OXCT1: variants seen among roughly 807,000 people sequenced by gnomAD.
OXCT1 encodes the protein succinyl-CoA:3-ketoacid coenzyme A transferase 1, mitochondrial.
In OXCT1, 27 loss-of-function variants were observed where a neutral mutation model predicts 69.6. The observed-to-expected ratio is 0.39, with a 90% confidence interval of 0.29 to 0.54. The LOEUF (loss-of-function observed/expected upper bound fraction) is 0.54. Ranked by LOEUF, OXCT1 falls within the 20% of genes least tolerant of loss-of-function variation. OXCT1 has a pLI of 0.72. For missense variants in OXCT1, 437 were observed against 650.2 expected (o/e 0.67, Z 3.57); for synonymous variants, 202 against 217.8 (o/e 0.93, Z 0.64).
intron 7 of OXCT1, among the ~76,000 whole-genome samples, chr5:41,812,347 T>G (rs1747025076): frequency 6.6e-6 from 1 of 151,974 alleles, no homozygotes; most frequent in African/African-American, 2.4e-5. Context: ...AATGGGCTTA[T>G]GAAAGATGAG....
intron 7 of OXCT1, among the ~76,000 whole-genome samples, chr5:41,829,507 C>A (rs1325028209): frequency 2.0e-5 from 3 of 152,066 alleles, no homozygotes; most frequent in African/African-American, 7.2e-5. Flanking sequence ...CCTCACAATG[C>A]AATGAAGTCC....
chr5:41,764,765 G>A (rs1022462896), intron 13 of OXCT1, among the ~76,000 whole-genome samples: 11 of 152,152 alleles, frequency 7.2e-5, no homozygotes, highest in African/African-American at 2.7e-4. Context: ...TAACACTGAG[G>A]ATGCAACTGC....
At chr5:41,805,466 T>C in intron 9 of OXCT1, 101 bp downstream of exon 9, 1 of 788,262 alleles carries the variant, frequency 1.3e-6, no homozygotes, top group Non-Finnish European at 2.2e-6. Context: ...AAAGTTACCA[T>C]AGACTAGAGA....
At chr5:41,777,142 G>C (rs954508884) in intron 13 of OXCT1, among the ~76,000 whole-genome samples, 1 of 152,196 alleles carries the variant, frequency 6.6e-6, no homozygotes, top group African/African-American at 2.4e-5. Flanking sequence ...AAGGGGCCGG[G>C]TGCGGTGGCT....
chr5:41,751,757 T>C (rs1041570867), intron 14 of OXCT1, among the ~76,000 whole-genome samples: 5 of 152,090 alleles, frequency 3.3e-5, no homozygotes, highest in Non-Finnish European at 7.4e-5. Context: ...ATACAATTCC[T>C]GAGACACATA....
intron 13 of OXCT1, among the ~76,000 whole-genome samples, chr5:41,792,977 C>A (rs990326985): frequency 1.3e-5 from 2 of 152,098 alleles, no homozygotes; most frequent in Non-Finnish European, 2.9e-5. Context: ...TAATACACCA[C>A]CAAGTTTGAA....
chr5:41,857,754 C>T (rs1409574176), intron 3 of OXCT1, among the ~76,000 whole-genome samples: 1 of 152,188 alleles, frequency 6.6e-6, no homozygotes, highest in Non-Finnish European at 1.5e-5. Flanking sequence ...TTTCCCTCAT[C>T]CCTGACCATT....
intron 13 of OXCT1, among the ~76,000 whole-genome samples, chr5:41,780,281 TAAA>T (rs1229087503): frequency 5.9e-5 from 9 of 152,166 alleles, no homozygotes; most frequent in African/African-American, 2.2e-4. Context: ...CTATTTGTAT[TAAA>T]AAACTGATTC....
intron 7 of OXCT1, among the ~76,000 whole-genome samples, chr5:41,830,234 AAGTT>A (rs778944942): frequency 3.9e-5 from 6 of 152,212 alleles, no homozygotes; most frequent in Non-Finnish European, 5.9e-5. Context: ...TCCATCCCAA[AAGTT>A]AGCACTTAGG....
chr5:41,731,275 C>T lies in OXCT1; in HGVS notation c.*454G>A. ...AAGATGTAATCATAAAATCTGAAGC[C>T]CCAAAAGAAAAGTCAGAGGAGGCTG... On this transcript the variant is annotated 3_prime_UTR_variant, in exon 17 of 17. Transcript: ENST00000196371. 1.8e-6 allele frequency: 1 copy of T among 570,466 alleles called. No homozygotes were observed. Among genetic ancestry groups the T allele is most frequent in the Middle Eastern group, 8.7e-4 (1 of 1,144 alleles). The allele number at this position is 570,466 out of a possible 1,614,324, so 35.3% of individuals were successfully genotyped here. A position where few individuals can be genotyped will look rare whatever the true frequency, so the allele number is the denominator to read the frequency against.
intron 7 of OXCT1, among the ~76,000 whole-genome samples, chr5:41,834,876 A>C (rs533986884): frequency 6.6e-6 from 1 of 152,184 alleles, no homozygotes; most frequent in Admixed American, 6.5e-5. Context: ...ATTTACAGCT[A>C]TAAGTGCCTA....
chr5:41,745,039 C>T (rs1016396200), intron 15 of OXCT1, among the ~76,000 whole-genome samples: 2 of 152,088 alleles, frequency 1.3e-5, no homozygotes, highest in African/African-American at 4.8e-5. Flanking sequence ...CTCAACTCTG[C>T]ACCAAGCGGA....
chr5:41,740,309 C>A (rs1334986320), intron 15 of OXCT1, among the ~76,000 whole-genome samples: 1 of 152,168 alleles, frequency 6.6e-6, no homozygotes, highest in Non-Finnish European at 1.5e-5. Flanking sequence ...GATAGCTACC[C>A]TGGTCCTGAA....
chr5:41,732,868 T>C (rs1057243384), intron 16 of OXCT1, among the ~76,000 whole-genome samples: 2 of 152,246 alleles, frequency 1.3e-5, no homozygotes, highest in African/African-American at 4.8e-5. Flanking sequence ...TTTATAAATG[T>C]CTGCATTAGC....
chr5:41,753,935 C>T (rs1317666659), intron 14 of OXCT1, among the ~76,000 whole-genome samples: 1 of 151,966 alleles, frequency 6.6e-6, no homozygotes, highest in East Asian at 1.9e-4. Flanking sequence ...AGAAGCAGCA[C>T]AGCTAGCAGA....
At chr5:41,849,932 A>C (rs1749098274) in intron 5 of OXCT1, 98 bp downstream of exon 5, 2 of 1,233,738 alleles carry the variant, frequency 1.6e-6, no homozygotes, top group South Asian at 2.4e-5. Flanking sequence ...GCTTTTTCTC[A>C]CATAGAGGTG....
At chr5:41,822,199 G>A (rs945712149) in intron 7 of OXCT1, among the ~76,000 whole-genome samples, 1 of 152,064 alleles carries the variant, frequency 6.6e-6, no homozygotes, top group Non-Finnish European at 1.5e-5. Flanking sequence ...CTGGTGATGG[G>A]GCCAGGGGTT....
At chr5:41,852,507 G>A (rs921642713) in intron 4 of OXCT1, among the ~76,000 whole-genome samples, 3 of 152,218 alleles carry the variant, frequency 2.0e-5, no homozygotes, top group South Asian at 2.1e-4. Flanking sequence ...AATGAAAGAA[G>A]AGCAAACTGT....
At chr5:41,823,091 A>G (rs1035443230) in intron 7 of OXCT1, among the ~76,000 whole-genome samples, 3 of 152,138 alleles carry the variant, frequency 2.0e-5, no homozygotes, top group African/African-American at 7.2e-5. Context: ...TTGAGTTTGC[A>G]ATATACATTT....
Sources: gnomAD v4.1 joint callset for allele counts (sites outside exome capture counted in the v4.1 genomes callset) on GRCh38, gnomAD v4.1.1 for gene constraint, MANE v1.5 for transcripts, NCBI Gene and HGNC (gene_info 2026-07-23, HGNC 2026-07-21) for gene names.